The following MAGEC3 variants were observed in gnomAD, a reference collection of about 807,000 sequenced individuals.
The protein encoded by MAGEC3 is melanoma-associated antigen C3.
A neutral mutation model predicts 35.3 loss-of-function variants in MAGEC3; 34 were observed. The observed-to-expected ratio is 0.96, with a 90% confidence interval of 0.73 to 1.28. MAGEC3 has a LOEUF of 1.28. Ranked by LOEUF, MAGEC3 falls within the 50% of genes most tolerant of loss-of-function variation. The pLI is 0.00. For missense variants in MAGEC3, 561 were observed against 483.6 expected, an observed-to-expected ratio of 1.16 and a Z score of -1.50; for synonymous variants, 202 against 185.6, an observed-to-expected ratio of 1.09 and a Z score of -0.72.
intron 2 of MAGEC3, among the ~76,000 whole-genome samples, chrX:141,871,385 C>G (rs990907222): frequency 1.8e-5 from 2 of 111,113 alleles, no homozygotes; most frequent in Admixed American, 9.6e-5. Flanking sequence ...ATTTGTGATG[C>G]CTTTTCTGTT....
At position 141,848,538 on chromosome X, in the gene MAGEC3, G is replaced by A. The variant is rs1230028165; in HGVS notation, c.123+10100G>A. Reference sequence around the variant, plus strand: ...ACAGTTTCATTTAAAATAGCCAAACGAAAGTGAAATACCTAGAAATATATC... The same window carrying A: ...ACAGTTTCATTTAAAATAGCCAAACAAAAGTGAAATACCTAGAAATATATC... On this transcript the variant is annotated intron_variant, in intron 1 of 7. Transcript: ENST00000298296. 3.6e-5 allele frequency among the ~76,000 whole-genome samples: 4 copies of A among 110,818 alleles called. No homozygotes were observed. The East Asian group carries it at 8.5e-4, about 24-fold the overall frequency.
chrX:141,887,532 C>T (rs2018011708), intron 4 of MAGEC3, among the ~76,000 whole-genome samples: 1 of 112,011 alleles, frequency 8.9e-6, no homozygotes, highest in South Asian at 3.8e-4. Flanking sequence ...CATGAGGCCC[C>T]TCCAAGAAAG....
intron 4 of MAGEC3, among the ~76,000 whole-genome samples, chrX:141,893,791 C>T (rs1453071510): frequency 9.3e-6 from 1 of 107,833 alleles, no homozygotes. Context: ...ATTAGCAATG[C>T]TCTAAAAATG....
intron 4 of MAGEC3, among the ~76,000 whole-genome samples, chrX:141,894,226 C>T (rs73638715): frequency 7.2e-5 from 8 of 111,460 alleles, no homozygotes; most frequent in Admixed American, 5.7e-4. Flanking sequence ...ACACTTGGTT[C>T]GTAGATATGG....
chrX:141,862,819 G>C (rs1387061668), intron 1 of MAGEC3, among the ~76,000 whole-genome samples: 2 of 112,065 alleles, frequency 1.8e-5, no homozygotes, highest in Non-Finnish European at 3.8e-5. Flanking sequence ...GTGGTGAAGA[G>C]AGGTTGGTTA....
chrX:141,896,694 A>G lies in MAGEC3; in HGVS notation c.1124-188A>G, dbSNP rs778234712. 5.8e-6 allele frequency: 7 copies of G among 1,209,854 alleles called. No individual in the cohort carries two copies. In the African/African-American group the frequency reaches 1.2e-4, roughly 21 times the overall value. ...ACCTTCCACGCCTCAGCTTTGAGGA[A>G]GACTTCCAGAACCCGAGTGTGACAG... On this transcript the variant is annotated intron_variant, in intron 6 of 7. Coordinates refer to ENST00000298296, the MANE Select transcript of MAGEC3 (RefSeq NM_138702.1).
chrX:141,852,520 A>G (rs773995946), intron 1 of MAGEC3, among the ~76,000 whole-genome samples: 80 of 110,843 alleles, frequency 7.2e-4, no homozygotes, highest in African/African-American at 2.5e-3. Context: ...TGATATTAGG[A>G]GAACAGATTA....
At chrX:141,892,811 A>AAAG (rs1328600582) in intron 4 of MAGEC3, among the ~76,000 whole-genome samples, 1 of 111,769 alleles carries the variant, frequency 8.9e-6, no homozygotes, top group East Asian at 2.8e-4. Context: ...TGCAACACTA[A>AAAG]AAGTACCAGC....
At chrX:141,838,516 T>A (rs1230099349) in intron 1 of MAGEC3, 78 bp downstream of exon 1, 2 of 1,152,949 alleles carry the variant, frequency 1.7e-6, no homozygotes, top group African/African-American at 3.5e-5. Context: ...GCCTCAGTGT[T>A]GCTTGGCTCC....
intron 2 of MAGEC3, among the ~76,000 whole-genome samples, chrX:141,867,399 T>C (rs2017855926): frequency 2.7e-5 from 3 of 111,309 alleles, no homozygotes; most frequent in Non-Finnish European, 5.7e-5. Context: ...TGCAGGAAGA[T>C]GTATGGGAAC....
intron 1 of MAGEC3, among the ~76,000 whole-genome samples, chrX:141,852,952 T>A (rs2124089571): frequency 8.9e-6 from 1 of 111,770 alleles, no homozygotes; most frequent in South Asian, 3.7e-4. Flanking sequence ...CATCTGTTTC[T>A]ACTTTACAAA....
At chrX:141,873,931 C>T (rs2017903934) in intron 2 of MAGEC3, among the ~76,000 whole-genome samples, 1 of 111,698 alleles carries the variant, frequency 9.0e-6, no homozygotes, top group South Asian at 3.7e-4. Flanking sequence ...AAGAAGAAGA[C>T]AGTGGGAAGA....
chrX:141,864,496 C>T (rs890025037), intron 1 of MAGEC3, among the ~76,000 whole-genome samples: 1 of 110,447 alleles, frequency 9.1e-6, no homozygotes, highest in Non-Finnish European at 1.9e-5. Context: ...GGGCTGTAGG[C>T]GATTATCCTT....
chrX:141,851,340 T>C, intron 1 of MAGEC3, among the ~76,000 whole-genome samples: 1 of 109,990 alleles, frequency 9.1e-6, no homozygotes, highest in Non-Finnish European at 1.9e-5. Flanking sequence ...TTTGGCACTT[T>C]TAATATATTA....
intron 2 of MAGEC3, among the ~76,000 whole-genome samples, chrX:141,877,417 A>G (rs1388568114): frequency 8.9e-6 from 1 of 111,902 alleles, no homozygotes; most frequent in African/African-American, 3.3e-5. Flanking sequence ...TCTTTCCCTG[A>G]CAAAAAACGA....
In MAGEC3 at chrX:141,897,140, C is replaced by T; in HGVS notation, c.1382C>T (p.Ala461Val). The T allele has an allele frequency of 8.3e-7, 1 of 1,211,811 alleles. No homozygotes were observed. Among genetic ancestry groups the T allele is most frequent in the South Asian group, 1.8e-5 (1 of 56,889 alleles). The change falls in exon 7 of 8, where the codon GCT becomes GTT. Residue 461 changes from alanine (A) to valine (V), a missense_variant. Coordinates refer to ENST00000298296, the MANE Select transcript of MAGEC3 (RefSeq NM_138702.1). ...LPRYALDEKV[A>V]ELVQFLLLKY... ...AGGTATGCCCTGGATGAAAAGGTGG[C>T]TGAGTTGGTGCAGTTTCTTCTCCTC...
At chrX:141,895,093 G>T (rs2018075797) in intron 4 of MAGEC3, among the ~76,000 whole-genome samples, 176 bp from the exon 5 acceptor site, 1 of 84,136 alleles carries the variant, frequency 1.2e-5, no homozygotes. Context: ...GAAGGGGTCA[G>T]GGAGGAGGGT....
At chrX:141,878,344 C>G (rs2017933563) in intron 2 of MAGEC3, among the ~76,000 whole-genome samples, 1 of 112,011 alleles carries the variant, frequency 8.9e-6, no homozygotes, top group South Asian at 3.7e-4. Context: ...TAGCTTTATT[C>G]AGGGTAAAAT....
At chrX:141,876,321 G>A (rs1393829433) in intron 2 of MAGEC3, among the ~76,000 whole-genome samples, 2 of 111,762 alleles carry the variant, frequency 1.8e-5, no homozygotes, top group South Asian at 3.8e-4. Context: ...GACTGGCCAA[G>A]TAAGAGGGAA....
Sources: allele counts gnomAD v4.1 joint callset (sites outside exome capture counted in the v4.1 genomes callset), GRCh38; gene constraint gnomAD v4.1.1; transcripts MANE v1.5; gene names NCBI Gene and HGNC (gene_info 2026-07-23, HGNC 2026-07-21).